The following CCDC171 variants were observed in gnomAD, a reference collection of about 807,000 sequenced individuals.
CCDC171 encodes coiled-coil domain containing 171, also known as coiled-coil domain-containing protein 171.
CCDC171 carries 177 observed loss-of-function variants against 168.2 expected under a neutral mutation model. The ratio of observed to expected loss-of-function variants is 1.05; its 90% CI spans 0.93 to 1.19. The LOEUF (loss-of-function observed/expected upper bound fraction) is 1.19. CCDC171 is among the 50% of genes most tolerant of loss of function. The pLI is 0.00. For synonymous variants in CCDC171, 687 were observed against 540.8 expected, an observed-to-expected ratio of 1.27 and a Z score of -3.75; for missense variants, 1,991 against 1,539.0, an observed-to-expected ratio of 1.29 and a Z score of -4.91.
At position 15,635,564 on chromosome 9, in the gene CCDC171, C is replaced by T. The variant is rs2046137020; in HGVS notation, c.822+12151C>T. 3.3e-5 allele frequency among the ~76,000 whole-genome samples: 5 copies of T among 152,216 alleles called. 1 individual carries two copies. In the South Asian group the frequency reaches 1.0e-3, roughly 32 times the overall value. ...CATGCTGGCAGCTGATTAGATGGTG[C>T]CCACCCAGACTGAGGGTAGGCTGCC... On this transcript the variant is annotated intron_variant, in intron 7 of 25. Coordinates refer to ENST00000380701, the MANE Select transcript of CCDC171 (RefSeq NM_173550.4).
intron 11 of CCDC171, among the ~76,000 whole-genome samples, chr9:15,719,093 G>C (rs1408877285): frequency 3.3e-5 from 5 of 151,874 alleles, no homozygotes; most frequent in Admixed American, 3.3e-4. Flanking sequence ...ATATAACACA[G>C]AGAAGTAATT....
At chr9:15,681,996 C>T (rs188272044) in intron 10 of CCDC171, among the ~76,000 whole-genome samples, 1 of 152,108 alleles carries the variant, frequency 6.6e-6, no homozygotes, top group Admixed American at 6.6e-5. Context: ...AAATTACTAA[C>T]AGGTAATTTT....
chr9:15,677,541 A>G (rs115822825), intron 9 of CCDC171, among the ~76,000 whole-genome samples: 1 of 151,984 alleles, frequency 6.6e-6, no homozygotes, highest in Non-Finnish European at 1.5e-5. Flanking sequence ...CAGGTCTACT[A>G]CATTTTTAGG....
At chr9:15,819,877 T>C (rs140224466) in intron 21 of CCDC171, among the ~76,000 whole-genome samples, 4,989 of 113,114 alleles carry the variant, frequency 0.044, 1,545 homozygotes, top group African/African-American at 0.16. Context: ...CCCAAATCAA[T>C]AGAATACACA....
intron 2 of CCDC171, among the ~76,000 whole-genome samples, chr9:15,565,090 T>G (rs900205048): frequency 1.4e-5 from 2 of 147,130 alleles, no homozygotes; most frequent in Non-Finnish European, 3.0e-5. Flanking sequence ...CCCCCACTTT[T>G]TTTTTTTTTT....
intron 5 of CCDC171, among the ~76,000 whole-genome samples, chr9:15,593,682 A>G (rs1019308930): frequency 2.6e-5 from 4 of 152,036 alleles, no homozygotes; most frequent in African/African-American, 9.7e-5. Flanking sequence ...ATATGATATC[A>G]TATATTGATA....
At chr9:15,630,717 A>C (rs1429713494) in intron 7 of CCDC171, among the ~76,000 whole-genome samples, 1 of 152,204 alleles carries the variant, frequency 6.6e-6, no homozygotes, top group Non-Finnish European at 1.5e-5. Context: ...AATCAACAGA[A>C]TATACATTTT....
At chr9:15,746,082 G>T (rs1027814746) in intron 18 of CCDC171, among the ~76,000 whole-genome samples, 2 of 151,970 alleles carry the variant, frequency 1.3e-5, no homozygotes, top group African/African-American at 4.8e-5. Context: ...GAATTAATTT[G>T]GATAGTCTGC....
At chr9:15,644,120 A>G (rs192793055) in intron 7 of CCDC171, among the ~76,000 whole-genome samples, 123 of 152,280 alleles carry the variant, frequency 8.1e-4, no homozygotes, top group African/African-American at 2.8e-3. Flanking sequence ...TGGTAACTCT[A>G]TGTTTAATTT....
At chr9:16,059,538 C>T (rs1201430373) in intron 1 of CCDC171, among the ~76,000 whole-genome samples, 87 of 124,308 alleles carry the variant, frequency 7.0e-4, no homozygotes, top group African/African-American at 2.5e-3. Flanking sequence ...GACGGAGTCT[C>T]GCTCTGTCGC....
At chr9:15,905,909 A>G (rs1436549575) in intron 24 of CCDC171, among the ~76,000 whole-genome samples, 1 of 152,234 alleles carries the variant, frequency 6.6e-6, no homozygotes, top group Non-Finnish European at 1.5e-5. Context: ...ACGCAAATAA[A>G]CTAGAAAATC....
chr9:15,659,728 C>T (rs954922893), intron 8 of CCDC171, among the ~76,000 whole-genome samples: 7 of 152,152 alleles, frequency 4.6e-5, no homozygotes, highest in Admixed American at 4.6e-4. Flanking sequence ...TCTTGAATTT[C>T]ATATCAAGTA....
intron 6 of CCDC171, among the ~76,000 whole-genome samples, 159 bp downstream of exon 6, chr9:15,594,331 A>C (rs563626663): frequency 6.6e-6 from 1 of 152,300 alleles, no homozygotes; most frequent in East Asian, 1.9e-4. Flanking sequence ...CAATAGGGCA[A>C]CTGTTACCAA....
At chr9:15,596,241 T>A (rs1373138787) in intron 6 of CCDC171, among the ~76,000 whole-genome samples, 2 of 152,206 alleles carry the variant, frequency 1.3e-5, no homozygotes, top group East Asian at 3.9e-4. Context: ...CTGAATGGTA[T>A]TGCCTAGGTT....
chr9:16,045,743 A>C (rs1256670598), intron 1 of CCDC171, among the ~76,000 whole-genome samples: 1 of 152,204 alleles, frequency 6.6e-6, no homozygotes. Flanking sequence ...TGCTGGGATG[A>C]GGCAGGCCTA....
intron 9 of CCDC171, among the ~76,000 whole-genome samples, chr9:15,671,585 A>G (rs965351987): frequency 7.5e-6 from 1 of 133,236 alleles, no homozygotes; most frequent in Non-Finnish European, 1.5e-5. Context: ...TTCAATTCCC[A>G]CCTATGAGTG....
chr9:15,893,379 G>A (rs1820468644), intron 24 of CCDC171, among the ~76,000 whole-genome samples: 1 of 152,182 alleles, frequency 6.6e-6, no homozygotes, highest in South Asian at 2.1e-4. Context: ...CATGGGTACA[G>A]ATTTCATGAT....
At chr9:15,942,397 A>G (rs1231273657) in intron 25 of CCDC171, among the ~76,000 whole-genome samples, 2 of 152,034 alleles carry the variant, frequency 1.3e-5, no homozygotes, top group East Asian at 3.9e-4. Context: ...CTGGTATGTC[A>G]GATTATTACT....
intron 18 of CCDC171, among the ~76,000 whole-genome samples, chr9:15,757,880 G>A (rs1041445843): frequency 6.6e-6 from 1 of 152,194 alleles, no homozygotes; most frequent in African/African-American, 2.4e-5. Flanking sequence ...TTGAGCCTAC[G>A]AGTGAACAGA....
Sources: allele counts gnomAD v4.1 joint callset (sites outside exome capture counted in the v4.1 genomes callset), GRCh38; gene constraint gnomAD v4.1.1; transcripts MANE v1.5; gene names NCBI Gene and HGNC (gene_info 2026-07-23, HGNC 2026-07-21).